DLG2: variants seen among roughly 807,000 people sequenced by gnomAD.
The protein encoded by DLG2 is discs large MAGUK scaffold protein 2.
In DLG2, 45 loss-of-function variants were observed where a neutral mutation model predicts 132.5. The observed-to-expected ratio is 0.34, with a 90% CI of 0.27 to 0.44. The LOEUF (loss-of-function observed/expected upper bound fraction) is 0.44. Ranked by LOEUF, DLG2 falls within the 20% of genes least tolerant of loss-of-function variation. DLG2 has a pLI of 1.00. For synonymous variants in DLG2, 424 were observed against 419.6 expected (o/e 1.01, Z -0.13); for missense variants, 1,045 against 1,196.9 (o/e 0.87, Z 1.87).
intron 7 of DLG2, among the ~76,000 whole-genome samples, chr11:84,467,217 A>G (rs1226425269): frequency 6.6e-6 from 1 of 151,406 alleles, no homozygotes; most frequent in African/African-American, 2.4e-5. Flanking sequence ...AAAATCTGAT[A>G]ACAATTTGAG....
At chr11:84,934,936 A>G (rs1430698823) in intron 6 of DLG2, among the ~76,000 whole-genome samples, 1 of 151,954 alleles carries the variant, frequency 6.6e-6, no homozygotes, top group African/African-American at 2.4e-5. Context: ...CCATTTACCA[A>G]ATTGTTTGCC....
At chr11:85,077,323 A>T (rs928788321) in intron 6 of DLG2, among the ~76,000 whole-genome samples, 1 of 152,020 alleles carries the variant, frequency 6.6e-6, no homozygotes, top group East Asian at 1.9e-4. Context: ...TAGGAGGTTA[A>T]TGTTCATCTG....
intron 6 of DLG2, among the ~76,000 whole-genome samples, chr11:84,610,113 T>TG (rs1350340660): frequency 6.6e-6 from 1 of 152,088 alleles, no homozygotes; most frequent in African/African-American, 2.4e-5. Flanking sequence ...TATTTATCAG[T>TG]GGGGCACTGA....
chr11:83,817,651 G>A (rs1170723359), intron 17 of DLG2, among the ~76,000 whole-genome samples: 6 of 152,116 alleles, frequency 3.9e-5, no homozygotes. Flanking sequence ...GAGGTGGGAG[G>A]ACTGCTTGAG....
At chr11:85,252,577 C>T (rs1279224554) in intron 4 of DLG2, among the ~76,000 whole-genome samples, 2 of 151,944 alleles carry the variant, frequency 1.3e-5, no homozygotes, top group Non-Finnish European at 2.9e-5. Flanking sequence ...CAGAGCGAGA[C>T]TCTGTCTCAA....
chr11:85,113,089 CTT>C (rs2073030855), intron 5 of DLG2, among the ~76,000 whole-genome samples: 1 of 151,932 alleles, frequency 6.6e-6, no homozygotes, highest in Non-Finnish European at 1.5e-5. Context: ...TAAAAATAAA[CTT>C]ATATCATCAA....
At chr11:83,469,119 T>G in intron 25 of DLG2, 82 bp downstream of exon 25, 8 of 1,022,654 alleles carry the variant, frequency 7.8e-6, no homozygotes, top group Non-Finnish European at 1.1e-5. Flanking sequence ...CAAGAAAGAG[T>G]AATGACCAAA....
chr11:85,466,522 A>C (rs2092795893), intron 3 of DLG2, among the ~76,000 whole-genome samples: 1 of 152,120 alleles, frequency 6.6e-6, no homozygotes, highest in Non-Finnish European at 1.5e-5. Context: ...TCAGCTTTCT[A>C]CATATGGCTA....
chr11:84,822,349 G>A (rs1294301477), intron 6 of DLG2, among the ~76,000 whole-genome samples: 6 of 151,742 alleles, frequency 4.0e-5, no homozygotes, highest in Non-Finnish European at 7.4e-5. Flanking sequence ...AATGATAATT[G>A]GAAGGAGGGG....
intron 5 of DLG2, among the ~76,000 whole-genome samples, chr11:85,125,348 G>A (rs983439416): frequency 6.6e-6 from 1 of 152,138 alleles, no homozygotes; most frequent in Non-Finnish European, 1.5e-5. Context: ...ATCATGTTTG[G>A]AGGGAAAACC....
At chr11:83,641,056 G>C (rs962203012) in intron 18 of DLG2, among the ~76,000 whole-genome samples, 5 of 152,146 alleles carry the variant, frequency 3.3e-5, no homozygotes, top group African/African-American at 1.2e-4. Context: ...ATATCCAAGA[G>C]AGTGTAATTT....
intron 6 of DLG2, among the ~76,000 whole-genome samples, chr11:84,606,559 C>G (rs767231724): frequency 2.0e-5 from 3 of 151,994 alleles, no homozygotes; most frequent in Non-Finnish European, 4.4e-5. Context: ...AATTGCAAAA[C>G]TGCAAGATAA....
In DLG2 at chr11:84,307,567, G is replaced by A. The variant is rs575759383; in HGVS notation, c.520-56276C>T. On this transcript the variant is annotated intron_variant, in intron 7 of 27. Coordinates refer to ENST00000376104, the MANE Select transcript of DLG2 (RefSeq NM_001142699.3). ...AAAAATTAGCCGGGCGCAGTGAAGGGCGCCTGTAGTCCCAGCTACTCAGGG... is the reference window on the plus strand; with the variant it reads ...AAAAATTAGCCGGGCGCAGTGAAGGACGCCTGTAGTCCCAGCTACTCAGGG... Among the ~76,000 whole-genome samples, 12 of 152,074 alleles carry A rather than the reference G, an allele frequency of 7.9e-5. No individual in the cohort carries two copies. In the East Asian group the frequency reaches 2.3e-3, roughly 29 times the overall value.
intron 7 of DLG2, among the ~76,000 whole-genome samples, chr11:84,404,123 A>G (rs901033052): frequency 1.3e-5 from 2 of 152,104 alleles, no homozygotes; most frequent in African/African-American, 2.4e-5. Flanking sequence ...TCTGAGGAAG[A>G]GCAAAAACCT....
intron 3 of DLG2, among the ~76,000 whole-genome samples, chr11:85,340,593 C>G (rs1383208161): frequency 6.6e-6 from 1 of 152,136 alleles, no homozygotes; most frequent in Non-Finnish European, 1.5e-5. Flanking sequence ...ACCTACGTAT[C>G]AAACCTGCAC....
At chr11:85,250,906 T>C (rs965322178) in intron 4 of DLG2, among the ~76,000 whole-genome samples, 1 of 152,240 alleles carries the variant, frequency 6.6e-6, no homozygotes, top group African/African-American at 2.4e-5. Context: ...TGTGTATTTT[T>C]ATTCTGACTT....
At chr11:84,301,637 T>C (rs2154381935) in intron 7 of DLG2, among the ~76,000 whole-genome samples, 1 of 112,726 alleles carries the variant, frequency 8.9e-6, no homozygotes, top group African/African-American at 3.6e-5. Flanking sequence ...CCAGCCTGGG[T>C]GACAGGCGAG....
At chr11:85,355,465 T>G (rs1442136918) in intron 3 of DLG2, among the ~76,000 whole-genome samples, 1 of 152,168 alleles carries the variant, frequency 6.6e-6, no homozygotes, top group Non-Finnish European at 1.5e-5. Context: ...CTTATCAAGA[T>G]TCTTCCTAAA....
chr11:84,522,357 C>A (rs1463692968), intron 7 of DLG2, among the ~76,000 whole-genome samples: 2 of 152,060 alleles, frequency 1.3e-5, no homozygotes, highest in Non-Finnish European at 2.9e-5. Flanking sequence ...TCTGTATGTG[C>A]CCTATTGCTT....
Sources: gnomAD v4.1 joint callset for allele counts (sites outside exome capture counted in the v4.1 genomes callset) on GRCh38, gnomAD v4.1.1 for gene constraint, MANE v1.5 for transcripts, NCBI Gene and HGNC (gene_info 2026-07-23, HGNC 2026-07-21) for gene names.